Variants in TYW1 observed in about 807,000 individuals in gnomAD.
The protein encoded by TYW1 is tRNA-yW synthesizing protein 1 homolog, also known as S-adenosyl-L-methionine-dependent tRNA 4-demethylwyosine synthase TYW1.
TYW1 carries 46 observed loss-of-function variants against 96.2 expected under a neutral mutation model. That is an observed-to-expected ratio of 0.48 (90% CI 0.38 to 0.61). The LOEUF (loss-of-function observed/expected upper bound fraction) is 0.61. TYW1 is among the 20% of genes least tolerant of loss of function. TYW1 has a pLI of 0.00. For synonymous variants in TYW1, 274 were observed against 323.0 expected, an observed-to-expected ratio of 0.85 and a Z score of 1.63; for missense variants, 684 against 909.6, an observed-to-expected ratio of 0.75 and a Z score of 3.19.
intron 12 of TYW1, among the ~76,000 whole-genome samples, chr7:67,099,026 T>C (rs1189374395): frequency 7.3e-6 from 1 of 136,422 alleles, no homozygotes; most frequent in African/African-American, 3.2e-5. Flanking sequence ...TATTTTATTA[T>C]TATTATTTTT....
At chr7:67,142,675 G>T (rs977056290) in intron 13 of TYW1, among the ~76,000 whole-genome samples, 1 of 152,118 alleles carries the variant, frequency 6.6e-6, no homozygotes, top group Non-Finnish European at 1.5e-5. Context: ...CAAGTGGTCT[G>T]CGCACCTAGG....
intron 12 of TYW1, among the ~76,000 whole-genome samples, chr7:67,110,055 CT>C: frequency 6.6e-6 from 1 of 152,060 alleles, no homozygotes; most frequent in East Asian, 1.9e-4. Flanking sequence ...CAGGGGTTGT[CT>C]TTATTTGAAG....
intron 7 of TYW1, among the ~76,000 whole-genome samples, chr7:67,040,973 A>G (rs1795001421): frequency 6.6e-6 from 1 of 152,224 alleles, no homozygotes; most frequent in Non-Finnish European, 1.5e-5. Context: ...GAAAACACTA[A>G]TGAAGATTTC....
chr7:67,026,534 AGT>A (rs1794460832), intron 7 of TYW1, among the ~76,000 whole-genome samples: 1 of 152,178 alleles, frequency 6.6e-6, no homozygotes, highest in South Asian at 2.1e-4. Flanking sequence ...TTAATATATA[AGT>A]TTGATGGAAT....
At chr7:67,050,828 T>C (rs1418855878) in intron 8 of TYW1, among the ~76,000 whole-genome samples, 1 of 152,184 alleles carries the variant, frequency 6.6e-6, no homozygotes, top group East Asian at 1.9e-4. Flanking sequence ...AAAATGACTC[T>C]ATTTTATATT....
intron 15 of TYW1, among the ~76,000 whole-genome samples, chr7:67,220,851 C>T (rs1801368031): frequency 6.6e-6 from 1 of 151,762 alleles, no homozygotes; most frequent in African/African-American, 2.4e-5. Context: ...GATTCTTCTG[C>T]CTCAGCCCCC....
intron 13 of TYW1, among the ~76,000 whole-genome samples, chr7:67,172,396 G>A (rs1162172360): frequency 1.3e-5 from 2 of 149,940 alleles, no homozygotes; most frequent in East Asian, 3.9e-4. Context: ...TTTTACTTTT[G>A]CATATTTTTT....
At position 67,083,517 on chromosome 7, in the gene TYW1, G is replaced by C; in HGVS notation, c.1362G>C (p.Gln454His). ...TGAAGGAAGCCATTGAAAACCATCA[G>C]AACATGATTAAGCAGTTTAAAGGTA... ...MILKEAIENH[Q>H]NMIKQFKGVP... The change falls in exon 11 of 16, where the codon CAG becomes CAC. Residue 454 changes from glutamine (Q) to histidine (H), a missense_variant. Gln to His is a conservative substitution (Grantham distance 24, BLOSUM62 0). Transcript: ENST00000359626. The C allele has an allele frequency of 7.4e-6, 12 of 1,614,146 alleles. No individual in the cohort carries two copies. Among genetic ancestry groups the C allele is most frequent in the Non-Finnish European group, 1.0e-5 (12 of 1,180,004 alleles).
Position 67,083,482 on chromosome 7 carries a change from G to C in TYW1, c.1327G>C (p.Glu443Gln). 1 of 1,614,152 alleles carries C rather than the reference G, an allele frequency of 6.2e-7. No homozygotes were observed. Residue 443 changes from glutamate to glutamine, a missense_variant, in exon 11 of 16, where the codon GAA (glutamate) becomes CAA (glutamine). By Grantham distance (29) the Glu-to-Gln change is conservative (BLOSUM62 2). Coordinates refer to ENST00000359626, the MANE Select transcript of TYW1 (RefSeq NM_018264.4). Reference protein sequence around the residue: ...TEWRWKMDQPEMILKEAIENH... With the variant: ...TEWRWKMDQPQMILKEAIENH... ...GTGGCGGTGGAAGATGGACCAGCCT[G>C]AAATGATCTTGAAGGAAGCCATTGA...
At chr7:67,004,014 A>G (rs1425590769) in intron 3 of TYW1, among the ~76,000 whole-genome samples, 1 of 150,220 alleles carries the variant, frequency 6.7e-6, no homozygotes, top group African/African-American at 2.4e-5. Context: ...ACTGCACTCC[A>G]GTCTGGGGGA....
intron 15 of TYW1, among the ~76,000 whole-genome samples, chr7:67,215,230 A>G (rs1045166670): frequency 2.7e-5 from 4 of 150,794 alleles, no homozygotes; most frequent in African/African-American, 9.8e-5. Flanking sequence ...CTCTTTTTGC[A>G]TTTTAATTTT....
intron 13 of TYW1, among the ~76,000 whole-genome samples, chr7:67,136,087 A>G (rs533231100): frequency 7.4e-4 from 112 of 152,308 alleles, no homozygotes; most frequent in Non-Finnish European, 1.2e-3. Flanking sequence ...GCTTCATGGT[A>G]TATTTTTATT....
At chr7:67,197,980 C>T (rs895601560) in intron 15 of TYW1, among the ~76,000 whole-genome samples, 4 of 132,948 alleles carry the variant, frequency 3.0e-5, no homozygotes, top group African/African-American at 1.1e-4. Context: ...CCGCAGCATA[C>T]ACGTGCACGC....
At chr7:67,005,925 G>A (rs1212579262) in intron 3 of TYW1, among the ~76,000 whole-genome samples, 1 of 152,002 alleles carries the variant, frequency 6.6e-6, no homozygotes, top group African/African-American at 2.4e-5. Flanking sequence ...GGCCTTTGCA[G>A]TTCACTGTTC....
At chr7:67,042,163 A>G (rs958180490) in intron 7 of TYW1, among the ~76,000 whole-genome samples, 3 of 148,002 alleles carry the variant, frequency 2.0e-5, no homozygotes, top group Non-Finnish European at 4.5e-5. Flanking sequence ...AGTATAATAT[A>G]TAATTAGAAT....
At chr7:67,016,424 G>T (rs1794024309) in intron 5 of TYW1, among the ~76,000 whole-genome samples, 6 of 151,894 alleles carry the variant, frequency 4.0e-5, no homozygotes, top group Admixed American at 3.3e-4. Flanking sequence ...GTGCATGCCT[G>T]TAGTCCCAAC....
At chr7:67,014,767 C>T (rs1257774473) in intron 5 of TYW1, among the ~76,000 whole-genome samples, 2 of 152,182 alleles carry the variant, frequency 1.3e-5, no homozygotes, top group South Asian at 2.1e-4. Flanking sequence ...TTTGCTCTGT[C>T]GCCCAGGCTG....
intron 7 of TYW1, among the ~76,000 whole-genome samples, chr7:67,043,437 C>G (rs1341166411): frequency 6.7e-6 from 1 of 148,726 alleles, no homozygotes; most frequent in Non-Finnish European, 1.5e-5. Context: ...AGCAGACAAA[C>G]ACTAACATCA....
At chr7:67,155,790 C>T (rs11770086) in intron 13 of TYW1, among the ~76,000 whole-genome samples, 39,650 of 152,084 alleles carry the variant, frequency 0.26, 5,675 homozygotes, top group African/African-American at 0.38. Context: ...GCTTCCTCAT[C>T]GTTCTTGTGT....
Sources: gnomAD v4.1 joint callset for allele counts (sites outside exome capture counted in the v4.1 genomes callset) on GRCh38, gnomAD v4.1.1 for gene constraint, MANE v1.5 for transcripts, NCBI Gene and HGNC (gene_info 2026-07-23, HGNC 2026-07-21) for gene names.